The following AFG1L variants were observed in gnomAD, a reference collection of about 807,000 sequenced individuals.
AFG1L encodes the protein AFG1 like ATPase, also known as AFG1-like ATPase.
In AFG1L, 53 loss-of-function variants were observed where a neutral mutation model predicts 62.2. The observed-to-expected ratio is 0.85, with a 90% CI of 0.68 to 1.07. The LOEUF (loss-of-function observed/expected upper bound fraction) is 1.07, where lower values mean the gene tolerates loss of function less well. AFG1L is among the 50% of genes least tolerant of loss of function. The pLI, the probability that AFG1L is intolerant of heterozygous loss-of-function variation, is 0.00. For missense variants in AFG1L, 555 were observed against 590.5 expected, an observed-to-expected ratio of 0.94 and a Z score of 0.62; for synonymous variants, 228 against 210.3, an observed-to-expected ratio of 1.08 and a Z score of -0.73.
chr6:108,425,241 G>T lies in AFG1L; in HGVS notation c.808-21973G>T, dbSNP rs529400444. Reference sequence around the variant, plus strand: ...GTAGAAGGCAGAATACAAACAGAGGGTTACACATGGTAGACATTTTATAAT... The same window carrying T: ...GTAGAAGGCAGAATACAAACAGAGGTTTACACATGGTAGACATTTTATAAT... On this transcript the variant is annotated intron_variant, in intron 7 of 12. Coordinates refer to ENST00000368977, the MANE Select transcript of AFG1L (RefSeq NM_145315.5). Among the ~76,000 whole-genome samples, 7 of 152,216 alleles carry T rather than the reference G, an allele frequency of 4.6e-5. No homozygotes were observed. The South Asian group carries it at 1.5e-3, about 32-fold the overall frequency.
At chr6:108,398,856 A>G (rs140729475) in intron 6 of AFG1L, among the ~76,000 whole-genome samples, 83 of 152,200 alleles carry the variant, frequency 5.5e-4, no homozygotes, top group African/African-American at 1.9e-3. Context: ...ATAGCTTTGT[A>G]GTATAGTGTG....
chr6:108,400,744 TATG>T (rs1001588563), intron 6 of AFG1L, among the ~76,000 whole-genome samples: 14 of 126,252 alleles, frequency 1.1e-4, no homozygotes, highest in South Asian at 2.2e-4. Context: ...ATATATTATA[TATG>T]ATATTATATA....
intron 10 of AFG1L, among the ~76,000 whole-genome samples, chr6:108,492,261 T>A (rs1227721226): frequency 9.2e-5 from 14 of 152,136 alleles, no homozygotes; most frequent in Non-Finnish European, 1.8e-4. Context: ...TCTTTCCCAT[T>A]TCTTCTGGGT....
In AFG1L at chr6:108,295,085, G is replaced by A. The variant is rs1776707124; in HGVS notation, c.6G>A (p.Ala2=). 2.5e-6 allele frequency: 4 copies of A among 1,610,970 alleles called. No homozygotes were observed. The highest frequency in any genetic ancestry group is 4.5e-5 in the East Asian group (2 of 44,878). The part of the protein sequence containing the change: M[A]ASWSLLVTLR... ...CTCCTCGTACGGAGTTCAAGATGGC[G>A]GCCTCCTGGTCGCTCTTGGTTACCC... Residue 2 remains alanine (A), a synonymous_variant, in exon 1 of 13, where the codon GCG becomes GCA. Coordinates refer to ENST00000368977, the MANE Select transcript of AFG1L (RefSeq NM_145315.5).
At chr6:108,315,564 C>T (rs1777558714) in intron 1 of AFG1L, among the ~76,000 whole-genome samples, 1 of 152,058 alleles carries the variant, frequency 6.6e-6, no homozygotes, top group Non-Finnish European at 1.5e-5. Context: ...CTTCCTTGTT[C>T]TCTTTTCTTT....
At chr6:108,489,516 A>G (rs144873310) in intron 10 of AFG1L, among the ~76,000 whole-genome samples, 166 of 152,360 alleles carry the variant, frequency 1.1e-3, no homozygotes, top group Non-Finnish European at 2.0e-3. Flanking sequence ...TGTCCAGAAT[A>G]CAGTCCCAAG....
At position 108,402,168 on chromosome 6, in the gene AFG1L, A is replaced by C. The variant is rs1207533835; in HGVS notation, c.807+114A>C. On this transcript the variant is annotated intron_variant, in intron 7 of 12. Transcript: ENST00000368977. ...AAGCAGAATTTATTTTGGCATTTAG[A>C]TAGTAATAGTCAGGGGCCGGGCACG... The C allele has an allele frequency of 9.4e-6, 5 of 533,726 alleles. No individual in the cohort carries two copies. In the African/African-American group the frequency reaches 1.0e-4, roughly 11 times the overall value. 33.1% of individuals were successfully genotyped at this position (533,726 alleles called of 1,614,324 possible).
chr6:108,334,568 T>C (rs1778407702), intron 2 of AFG1L, among the ~76,000 whole-genome samples: 1 of 118,902 alleles, frequency 8.4e-6, no homozygotes, highest in South Asian at 3.0e-4. Flanking sequence ...ACAAATAGAC[T>C]GTGGAAGGAG....
At chr6:108,395,888 G>C (rs1025458555) in intron 6 of AFG1L, among the ~76,000 whole-genome samples, 1 of 152,148 alleles carries the variant, frequency 6.6e-6, no homozygotes, top group African/African-American at 2.4e-5. Context: ...TGGTCACCCA[G>C]GCTGGAGAGC....
intron 7 of AFG1L, among the ~76,000 whole-genome samples, chr6:108,431,318 G>C (rs1336659508): frequency 6.6e-6 from 1 of 152,020 alleles, no homozygotes; most frequent in Admixed American, 6.6e-5. Flanking sequence ...TGGCCATGCT[G>C]GTCTCGAACT....
At chr6:108,497,225 A>G (rs1774004657) in intron 10 of AFG1L, among the ~76,000 whole-genome samples, 1 of 152,148 alleles carries the variant, frequency 6.6e-6, no homozygotes, top group Non-Finnish European at 1.5e-5. Context: ...GCTGCATTAC[A>G]TGTTTGCCGG....
intron 6 of AFG1L, among the ~76,000 whole-genome samples, chr6:108,398,215 A>C (rs1781402183): frequency 6.6e-6 from 1 of 152,154 alleles, no homozygotes; most frequent in Non-Finnish European, 1.5e-5. Context: ...GATGTTGAGC[A>C]CTTTTTTGTT....
At chr6:108,450,734 T>A (rs1473101812) in intron 8 of AFG1L, among the ~76,000 whole-genome samples, 1 of 152,186 alleles carries the variant, frequency 6.6e-6, no homozygotes, top group Non-Finnish European at 1.5e-5. Context: ...TGGTTTTAGG[T>A]CTAACATTTA....
At chr6:108,428,062 A>G (rs912423468) in intron 7 of AFG1L, among the ~76,000 whole-genome samples, 6 of 152,188 alleles carry the variant, frequency 3.9e-5, no homozygotes, top group African/African-American at 1.4e-4. Flanking sequence ...AGTAGCATAC[A>G]TTGTACCCAA....
At chr6:108,372,981 G>A (rs1295763548) in intron 6 of AFG1L, 1 of 152,136 alleles carries the variant, frequency 6.6e-6, no homozygotes, top group Non-Finnish European at 1.5e-5. Context: ...GTTGCCTTGT[G>A]CCCAGAACTC....
intron 2 of AFG1L, among the ~76,000 whole-genome samples, chr6:108,328,005 C>G (rs1778121031): frequency 6.6e-6 from 1 of 152,214 alleles, no homozygotes; most frequent in Non-Finnish European, 1.5e-5. Context: ...CATGAGTGAC[C>G]AGTCCAGCAC....
chr6:108,419,484 T>C (rs1036279996), intron 7 of AFG1L, among the ~76,000 whole-genome samples: 2 of 152,164 alleles, frequency 1.3e-5, no homozygotes, highest in African/African-American at 4.8e-5. Flanking sequence ...GAAAAATAAT[T>C]CCAGCATTAA....
At chr6:108,412,951 A>G (rs1039050320) in intron 7 of AFG1L, among the ~76,000 whole-genome samples, 1 of 152,240 alleles carries the variant, frequency 6.6e-6, no homozygotes, top group Non-Finnish European at 1.5e-5. Context: ...AAATGCTCCA[A>G]TTAAAAGACA....
At chr6:108,397,448 G>A (rs1781370643) in intron 6 of AFG1L, among the ~76,000 whole-genome samples, 2 of 151,782 alleles carry the variant, frequency 1.3e-5, no homozygotes, top group South Asian at 4.2e-4. Context: ...GTAGAGACGG[G>A]ATTTCACCAT....
Sources: allele counts gnomAD v4.1 joint callset (sites outside exome capture counted in the v4.1 genomes callset), GRCh38; gene constraint gnomAD v4.1.1; transcripts MANE v1.5; gene names NCBI Gene and HGNC (gene_info 2026-07-23, HGNC 2026-07-21).